The following GUCY1A2 variants were observed in gnomAD, a reference collection of about 807,000 sequenced individuals.
The protein encoded by GUCY1A2 is guanylate cyclase 1 soluble subunit alpha 2.
Under a neutral mutation model 63.5 loss-of-function variants are expected in GUCY1A2, and 27 were observed. The ratio of observed to expected loss-of-function variants is 0.43; its 90% CI spans 0.31 to 0.59. The LOEUF (loss-of-function observed/expected upper bound fraction) is 0.59, where lower values mean the gene tolerates loss of function less well. GUCY1A2 is among the 20% of genes least tolerant of loss of function. GUCY1A2 has a pLI of 0.11. For synonymous variants in GUCY1A2, 364 were observed against 343.5 expected (o/e 1.06, Z -0.66); for missense variants, 768 against 913.3 (o/e 0.84, Z 2.05).
intron 3 of GUCY1A2, among the ~76,000 whole-genome samples, chr11:106,966,144 G>A (rs1000049211): frequency 6.6e-6 from 1 of 151,954 alleles, no homozygotes; most frequent in Non-Finnish European, 1.5e-5. Context: ...GTCTCACTCT[G>A]TTGCCAAGGC....
intron 3 of GUCY1A2, among the ~76,000 whole-genome samples, chr11:106,959,609 G>T (rs753462929): frequency 1.3e-5 from 2 of 152,170 alleles, no homozygotes; most frequent in African/African-American, 4.8e-5. Context: ...ACCTGCCTCC[G>T]CAAGGGAAGC....
At chr11:106,874,735 T>C (rs1859726790) in intron 4 of GUCY1A2, among the ~76,000 whole-genome samples, 1 of 151,936 alleles carries the variant, frequency 6.6e-6, no homozygotes, top group South Asian at 2.1e-4. Context: ...TCTTAGGTTA[T>C]ATGGGGTGAT....
At chr11:106,739,396 A>C (rs1173217633) in intron 6 of GUCY1A2, among the ~76,000 whole-genome samples, 1 of 152,200 alleles carries the variant, frequency 6.6e-6, no homozygotes, top group East Asian at 1.9e-4. Flanking sequence ...AAAAGGATAC[A>C]TTTCAAAATT....
chr11:106,857,271 T>C (rs568871070), intron 4 of GUCY1A2, among the ~76,000 whole-genome samples: 2 of 152,284 alleles, frequency 1.3e-5, no homozygotes, highest in South Asian at 4.1e-4. Flanking sequence ...CTGCTGACTT[T>C]TCACTGTATC....
intron 5 of GUCY1A2, among the ~76,000 whole-genome samples, chr11:106,782,841 T>G (rs1864489717): frequency 6.6e-6 from 1 of 152,196 alleles, no homozygotes; most frequent in African/African-American, 2.4e-5. Flanking sequence ...ACTATGGTCT[T>G]GGGTACATTA....
intron 7 of GUCY1A2, among the ~76,000 whole-genome samples, chr11:106,706,686 A>G (rs951008878): frequency 3.4e-5 from 5 of 147,202 alleles, no homozygotes; most frequent in African/African-American, 1.0e-4. Context: ...TGAAGTTGTC[A>G]CAGAAGACAT....
Position 106,675,512 on chromosome 11 carries a change from T to C in GUCY1A2, c.*12037A>G, listed in dbSNP as rs1862331065. Reference sequence around the variant, plus strand: ...TTGCAGATCTGGGCCTTCAATAACTTAGTAGAAGGCAATAAAATAGAGGGA... The same window carrying C: ...TTGCAGATCTGGGCCTTCAATAACTCAGTAGAAGGCAATAAAATAGAGGGA... On this transcript the variant is annotated 3_prime_UTR_variant, in exon 8 of 8. Transcript: ENST00000526355. 1 of 199,298 alleles carries C rather than the reference T, an allele frequency of 5.0e-6. No individual in the cohort carries two copies. Among genetic ancestry groups the C allele is most frequent in the Non-Finnish European group, 1.0e-5 (1 of 96,514 alleles). The allele number at this position is 199,298 out of a possible 1,614,324, so 12.3% of individuals were successfully genotyped here. A position where few individuals can be genotyped will look rare whatever the true frequency, so the allele number is the denominator to read the frequency against.
chr11:106,908,573 C>T (rs1300349885), intron 4 of GUCY1A2, among the ~76,000 whole-genome samples: 1 of 151,596 alleles, frequency 6.6e-6, no homozygotes, highest in Non-Finnish European at 1.5e-5. Flanking sequence ...AAGGACTTTG[C>T]AGAGAGAGAG....
intron 7 of GUCY1A2, among the ~76,000 whole-genome samples, chr11:106,703,200 G>GC (rs1862847775): frequency 6.6e-6 from 1 of 152,248 alleles, no homozygotes; most frequent in East Asian, 1.9e-4. Flanking sequence ...TGCTCAGCTT[G>GC]CAGACGCCCT....
At chr11:106,707,991 C>T (rs561495986) in intron 7 of GUCY1A2, among the ~76,000 whole-genome samples, 30 of 152,116 alleles carry the variant, frequency 2.0e-4, no homozygotes, top group African/African-American at 7.0e-4. Context: ...TTGGGATGCT[C>T]ACCAGGTAAT....
rs575133038 is a variant in GUCY1A2, at chr11:106,979,600, T to A, written c.366-860A>T. ...AATCTCTGTTAGTCTAAATTTCCTC[T>A]CTCATAAAATGGAGGTACCTTCTAG... is the stretch of plus-strand genomic sequence containing the variant. On this transcript the variant is annotated intron_variant, in intron 2 of 7. Transcript: ENST00000526355. Among the ~76,000 whole-genome samples the A allele has an allele frequency of 3.9e-5, 6 of 152,280 alleles. No homozygotes were observed. The East Asian group carries it at 1.2e-3, about 29-fold the overall frequency.
intron 7 of GUCY1A2, among the ~76,000 whole-genome samples, chr11:106,688,979 G>A (rs1862575202): frequency 6.6e-6 from 1 of 152,110 alleles, no homozygotes; most frequent in African/African-American, 2.4e-5. Flanking sequence ...ACTTTATTTG[G>A]AAAGCACCTT....
At chr11:106,935,105 C>T (rs1860657936) in intron 4 of GUCY1A2, among the ~76,000 whole-genome samples, 1 of 152,084 alleles carries the variant, frequency 6.6e-6, no homozygotes, top group South Asian at 2.1e-4. Flanking sequence ...GAATGTGTGA[C>T]AAGTGGTCTT....
rs527755761 is a variant in GUCY1A2 at position 106,700,054 on chromosome 11, T to C, written c.1991+8458A>G. ...CGCCTCGGCCTCCCAGGGAAAAATATGTCTTAAATTTCCAGACATACTCTT... is the reference window on the plus strand; with the variant it reads ...CGCCTCGGCCTCCCAGGGAAAAATACGTCTTAAATTTCCAGACATACTCTT... On this transcript the variant is annotated intron_variant, in intron 7 of 7. Transcript: ENST00000526355. Among the ~76,000 whole-genome samples, 60 of 152,252 alleles carry C rather than the reference T, an allele frequency of 3.9e-4. 1 individual carries two copies. Among genetic ancestry groups the C allele is most frequent in the African/African-American group, 1.3e-3 (56 of 41,572 alleles).
intron 4 of GUCY1A2, among the ~76,000 whole-genome samples, chr11:106,933,115 G>A (rs1432585317): frequency 2.6e-5 from 4 of 151,972 alleles, no homozygotes; most frequent in Non-Finnish European, 5.9e-5. Context: ...ATTGACAAGT[G>A]GGACCTAATT....
intron 1 of GUCY1A2, among the ~76,000 whole-genome samples, chr11:106,994,217 T>C (rs1035501251): frequency 7.2e-5 from 11 of 152,196 alleles, no homozygotes; most frequent in African/African-American, 2.2e-4. Context: ...ATCACTATTA[T>C]TGGTTATAAT....
chr11:106,918,672 T>C (rs1860400516), intron 4 of GUCY1A2, among the ~76,000 whole-genome samples: 1 of 145,650 alleles, frequency 6.9e-6, no homozygotes. Flanking sequence ...GTGAATCTAT[T>C]AGATCACTTA....
At chr11:106,726,507 A>AGAT (rs1372093353) in intron 6 of GUCY1A2, among the ~76,000 whole-genome samples, 2 of 152,202 alleles carry the variant, frequency 1.3e-5, no homozygotes, top group African/African-American at 4.8e-5. Context: ...GCACATTGGC[A>AGAT]GATTGTATTT....
At chr11:106,966,494 C>T (rs985943081) in intron 3 of GUCY1A2, among the ~76,000 whole-genome samples, 1 of 152,122 alleles carries the variant, frequency 6.6e-6, no homozygotes, top group African/African-American at 2.4e-5. Flanking sequence ...GCCTGGCTGC[C>T]CACTTGCTGT....
Sources: gnomAD v4.1 joint callset for allele counts (sites outside exome capture counted in the v4.1 genomes callset) on GRCh38, gnomAD v4.1.1 for gene constraint, MANE v1.5 for transcripts, NCBI Gene and HGNC (gene_info 2026-07-23, HGNC 2026-07-21) for gene names.